Variants in SH3RF3 observed in about 807,000 individuals in gnomAD.
SH3RF3 encodes E3 ubiquitin-protein ligase SH3RF3.
In SH3RF3, 29 loss-of-function variants were observed where a neutral mutation model predicts 66.3. The observed-to-expected ratio is 0.44, with a 90% CI of 0.33 to 0.60. SH3RF3 has a LOEUF of 0.60. Ranked by LOEUF, SH3RF3 falls within the 20% of genes least tolerant of loss-of-function variation. The pLI is 0.04. For synonymous variants in SH3RF3, 583 were observed against 532.0 expected (o/e 1.10, Z -1.32); for missense variants, 1,194 against 1,190.9 (o/e 1.00, Z -0.04).
chr2:109,398,654 G>T lies in SH3RF3; in HGVS notation c.1010G>T (p.Cys337Phe), dbSNP rs769161547. The T allele has an allele frequency of 6.2e-7, 1 of 1,605,058 alleles. No individual in the cohort carries two copies. The highest frequency in any genetic ancestry group is 1.7e-5 in the Admixed American group (1 of 59,072). Residue 337 changes from cysteine (C) to phenylalanine (F), a missense_variant, in exon 4 of 10, where the codon TGC (cysteine) becomes TTC (phenylalanine). By Grantham distance (205) the Cys-to-Phe change is radical. Coordinates refer to ENST00000309415, the MANE Select transcript of SH3RF3 (RefSeq NM_001099289.3). ...CCATGCCCAGCCGCTGCATCCAGCTGCAATGCCTCCCTGCCCTCTGACTCC... is the reference window on the plus strand; with the variant it reads ...CCATGCCCAGCCGCTGCATCCAGCTTCAATGCCTCCCTGCCCTCTGACTCC... Reference protein sequence around the residue: ...DKPCPAAASSCNASLPSDSGA... With the variant: ...DKPCPAAASSFNASLPSDSGA...
intron 1 of SH3RF3, among the ~76,000 whole-genome samples, chr2:109,252,364 G>C (rs1163501266): frequency 2.0e-5 from 3 of 152,130 alleles, no homozygotes; most frequent in Non-Finnish European, 1.5e-5. Flanking sequence ...GGAATAGTTG[G>C]ATGCAAACTC....
chr2:109,209,204 A>G (rs1190883724), intron 1 of SH3RF3, among the ~76,000 whole-genome samples: 1 of 152,184 alleles, frequency 6.6e-6, no homozygotes, highest in Non-Finnish European at 1.5e-5. Flanking sequence ...TGGTGGTCTC[A>G]TATGCCGTGG....
intron 7 of SH3RF3, among the ~76,000 whole-genome samples, chr2:109,444,726 A>G (rs957505353): frequency 6.6e-6 from 1 of 152,196 alleles, no homozygotes. Context: ...CTAACAACAG[A>G]ACTGCCAGAC....
At chr2:109,327,394 A>G (rs1419746655) in intron 1 of SH3RF3, among the ~76,000 whole-genome samples, 1 of 152,198 alleles carries the variant, frequency 6.6e-6, no homozygotes, top group Non-Finnish European at 1.5e-5. Context: ...ATTGTTGATT[A>G]AACTATTCTT....
At chr2:109,391,959 A>G (rs953427809) in intron 3 of SH3RF3, among the ~76,000 whole-genome samples, 1 of 152,120 alleles carries the variant, frequency 6.6e-6, no homozygotes, top group Non-Finnish European at 1.5e-5. Context: ...CCAGGACCAC[A>G]GGTGCATGCC....
intron 5 of SH3RF3, among the ~76,000 whole-genome samples, chr2:109,422,042 C>CT (rs1344592180): frequency 2.0e-5 from 3 of 152,216 alleles, no homozygotes; most frequent in Non-Finnish European, 4.4e-5. Context: ...CTCTTTAACT[C>CT]TAAGAAGCTA....
chr2:109,284,822 TG>T (rs1413300661), intron 1 of SH3RF3, among the ~76,000 whole-genome samples: 1 of 152,026 alleles, frequency 6.6e-6, no homozygotes, highest in South Asian at 2.1e-4. Flanking sequence ...GACATGTGTG[TG>T]GGGTGTGTGT....
intron 1 of SH3RF3, among the ~76,000 whole-genome samples, chr2:109,341,269 G>T (rs1682547312): frequency 6.6e-6 from 1 of 152,252 alleles, no homozygotes; most frequent in Non-Finnish European, 1.5e-5. Flanking sequence ...ACCTCTGGTT[G>T]CAGTGTGATA....
At chr2:109,351,466 C>G (rs546275774) in intron 2 of SH3RF3, among the ~76,000 whole-genome samples, 3 of 152,364 alleles carry the variant, frequency 2.0e-5, no homozygotes, top group Non-Finnish European at 4.4e-5. Context: ...GTTTGAGCAG[C>G]TAACTCTATA....
intron 1 of SH3RF3, among the ~76,000 whole-genome samples, chr2:109,243,698 G>A (rs7609336): frequency 0.3 from 45,312 of 152,100 alleles, 7,599 homozygotes; most frequent in Non-Finnish European, 0.38. Flanking sequence ...CAATCGCCTG[G>A]TACAGGGAGA....
At chr2:109,378,537 T>G (rs1442034404) in intron 3 of SH3RF3, among the ~76,000 whole-genome samples, 2 of 152,224 alleles carry the variant, frequency 1.3e-5, no homozygotes, top group African/African-American at 4.8e-5. Flanking sequence ...AATTTTCAGC[T>G]GGTTACTGAC....
chr2:109,205,566 A>T (rs1417203670), intron 1 of SH3RF3, among the ~76,000 whole-genome samples: 1 of 152,182 alleles, frequency 6.6e-6, no homozygotes, highest in Non-Finnish European at 1.5e-5. Context: ...GTGACTCTTT[A>T]TGCTCACACA....
At chr2:109,152,514 T>A (rs1340608820) in intron 1 of SH3RF3, among the ~76,000 whole-genome samples, 1 of 152,244 alleles carries the variant, frequency 6.6e-6, no homozygotes, top group African/African-American at 2.4e-5. Context: ...GAAAGCTCAT[T>A]TACTGGAAAC....
chr2:109,296,941 G>A (rs961111325), intron 1 of SH3RF3, among the ~76,000 whole-genome samples: 24 of 152,104 alleles, frequency 1.6e-4, no homozygotes, highest in Non-Finnish European at 3.4e-4. Context: ...GATTAACTAG[G>A]CCTGGGGACC....
chr2:109,262,709 T>C (rs910907298), intron 1 of SH3RF3, among the ~76,000 whole-genome samples: 3 of 152,280 alleles, frequency 2.0e-5, no homozygotes, highest in African/African-American at 7.2e-5. Context: ...GATAATTCTT[T>C]ATCCGCAAAT....
At chr2:109,414,540 C>T (rs534584422) in intron 4 of SH3RF3, among the ~76,000 whole-genome samples, 20 of 152,264 alleles carry the variant, frequency 1.3e-4, no homozygotes, top group East Asian at 9.7e-4. Context: ...ATCTTGGCTA[C>T]GGTCACAAAC....
intron 3 of SH3RF3, among the ~76,000 whole-genome samples, chr2:109,391,121 C>A (rs772071421): frequency 1.3e-5 from 2 of 152,234 alleles, no homozygotes; most frequent in Non-Finnish European, 2.9e-5. Flanking sequence ...CCGACTCCCT[C>A]CTCAGATTTT....
At chr2:109,164,333 C>A (rs1313725602) in intron 1 of SH3RF3, among the ~76,000 whole-genome samples, 1 of 152,152 alleles carries the variant, frequency 6.6e-6, no homozygotes, top group East Asian at 1.9e-4. Context: ...ACAGCACAGG[C>A]TGCAACCCCT....
At chr2:109,240,661 A>C (rs1679755920) in intron 1 of SH3RF3, among the ~76,000 whole-genome samples, 1 of 152,062 alleles carries the variant, frequency 6.6e-6, no homozygotes. Flanking sequence ...GGATTATTTC[A>C]CACGAACCAG....
Sources: allele counts gnomAD v4.1 joint callset (sites outside exome capture counted in the v4.1 genomes callset), GRCh38; gene constraint gnomAD v4.1.1; transcripts MANE v1.5; gene names NCBI Gene and HGNC (gene_info 2026-07-23, HGNC 2026-07-21).